The following GPT2 variants were observed in gnomAD, a reference collection of about 807,000 sequenced individuals.
GPT2 encodes the protein alanine aminotransferase 2.
GPT2 carries 30 observed loss-of-function variants against 56.9 expected under a neutral mutation model. That is an observed-to-expected ratio of 0.53 (90% CI 0.39 to 0.72). The LOEUF (loss-of-function observed/expected upper bound fraction) is 0.72, where lower values mean the gene tolerates loss of function less well. GPT2 is among the 30% of genes least tolerant of loss of function. GPT2 has a pLI of 0.00. For missense variants in GPT2, 542 were observed against 703.4 expected (o/e 0.77, Z 2.60); for synonymous variants, 271 against 283.1 (o/e 0.96, Z 0.43).
At chr16:46,901,915 G>A (rs1302823580) in intron 4 of GPT2, among the ~76,000 whole-genome samples, 11 of 152,170 alleles carry the variant, frequency 7.2e-5, no homozygotes, top group African/African-American at 2.7e-4. Context: ...GCAGAAAGCA[G>A]CCCTGCAGCC....
At chr16:46,891,639 G>A (rs984820041) in intron 2 of GPT2, among the ~76,000 whole-genome samples, 10 of 152,020 alleles carry the variant, frequency 6.6e-5, no homozygotes, top group African/African-American at 1.2e-4. Flanking sequence ...GTGAGCCACC[G>A]CGCCCGGGCA....
At chr16:46,921,052 A>C (rs1303157688) in intron 8 of GPT2, among the ~76,000 whole-genome samples, 2 of 152,094 alleles carry the variant, frequency 1.3e-5, no homozygotes, top group African/African-American at 4.8e-5. Context: ...GTTACCAGAC[A>C]CTTTTCTGAG....
Position 46,922,352 on chromosome 16 carries a change from C to G in GPT2, c.1148C>G (p.Ala383Gly). The change falls in exon 9 of 12, where the codon GCC becomes GGC. Residue 383 changes from alanine to glycine, a missense_variant. By Grantham distance (60) the Ala-to-Gly change is moderately conservative. Transcript: ENST00000340124. ...CTGTGCCCCCCAGTGTCTGGGCAGG[C>G]CGCCATGGACATTGTCGTGAACCCC... ...VRLCPPVSGQAAMDIVVNPPV... is the reference protein window; with the variant it reads ...VRLCPPVSGQGAMDIVVNPPV... The G allele has an allele frequency of 6.2e-7, 1 of 1,614,014 alleles. No individual in the cohort carries two copies. Among genetic ancestry groups the G allele is most frequent in the Non-Finnish European group, 8.5e-7 (1 of 1,180,002 alleles).
chr16:46,895,697 A>G (rs1308538075), intron 2 of GPT2, among the ~76,000 whole-genome samples: 1 of 151,962 alleles, frequency 6.6e-6, no homozygotes, highest in Non-Finnish European at 1.5e-5. Context: ...GCTAATTTTA[A>G]TTTTTTGTAG....
Position 46,884,686 on chromosome 16 carries a change from T to G in GPT2, c.-22-8T>G. On this transcript the variant is annotated splice_region_variant and splice_polypyrimidine_tract_variant and intron_variant, in intron 1 of 11. Coordinates refer to ENST00000340124, the MANE Select transcript of GPT2 (RefSeq NM_133443.4). ...GACGTGTTTGTTCTTTTTCTCTTTTTGTGCCAGGGTTTCTCTCCGCAAGCG... is the reference window on the plus strand; with the variant it reads ...GACGTGTTTGTTCTTTTTCTCTTTTGGTGCCAGGGTTTCTCTCCGCAAGCG... The G allele has an allele frequency of 2.9e-6, 4 of 1,367,806 alleles. No homozygotes were observed. Among genetic ancestry groups the G allele is most frequent in the Non-Finnish European group, 3.8e-6 (4 of 1,058,182 alleles). 84.7% of individuals were successfully genotyped at this position (1,367,806 alleles called of 1,614,324 possible).
chr16:46,899,035 A>ATATATATATATATTTTT (rs1567335287), intron 3 of GPT2, among the ~76,000 whole-genome samples: 1 of 77,226 alleles, frequency 1.3e-5, no homozygotes, highest in African/African-American at 9.0e-5. Context: ...ATATATATAT[A>ATATATATATATATTTTT]TTTTTTTTTT....
chr16:46,905,083 G>A (rs1017222455), intron 4 of GPT2, among the ~76,000 whole-genome samples: 2 of 149,186 alleles, frequency 1.3e-5, no homozygotes, highest in Non-Finnish European at 3.0e-5. Flanking sequence ...TTTAAAGACC[G>A]TCTCAATCTG....
intron 8 of GPT2, among the ~76,000 whole-genome samples, chr16:46,921,274 A>G (rs1429817947): frequency 6.6e-6 from 1 of 152,190 alleles, no homozygotes; most frequent in East Asian, 1.9e-4. Context: ...TCTTGGTTCA[A>G]GCAATTCTCC....
chr16:46,915,850 A>C (rs1048080317), intron 6 of GPT2: 1 of 147,040 alleles, frequency 6.8e-6, no homozygotes, highest in African/African-American at 2.5e-5. Flanking sequence ...ACCTACACAC[A>C]TACACAGACA....
At position 46,931,152 on chromosome 16, in the gene GPT2, G is replaced by A. The variant is rs148764323; in HGVS notation, c.*2155G>A. The A allele has an allele frequency of 2.9e-3, 443 of 152,392 alleles. 1 individual carries two copies. Among genetic ancestry groups the A allele is most frequent in the Admixed American group, 5.3e-3 (81 of 15,304 alleles). 9.4% of individuals were successfully genotyped at this position (152,392 alleles called of 1,614,324 possible). On this transcript the variant is annotated 3_prime_UTR_variant, in exon 12 of 12. Coordinates refer to ENST00000340124, the MANE Select transcript of GPT2 (RefSeq NM_133443.4). The stretch of plus-strand genomic sequence containing the variant: ...CCTGGCTATTCCTGTTCTGGTGTGT[G>A]TGGAGTGTTGGGGAGGAACAGATGC...
intron 10 of GPT2, 140 bp from the exon 11 acceptor site, chr16:46,926,785 C>T (rs1961423888): frequency 2.0e-6 from 1 of 505,838 alleles, no homozygotes; most frequent in Non-Finnish European, 3.4e-6. Flanking sequence ...CAGCGTCTGG[C>T]CCTGGTCCTC....
chr16:46,919,467 T>G (rs1301939540), intron 8 of GPT2, among the ~76,000 whole-genome samples: 1 of 152,092 alleles, frequency 6.6e-6, no homozygotes, highest in Non-Finnish European at 1.5e-5. Flanking sequence ...TGCAGATATC[T>G]GGGGGAAGAG....
chr16:46,886,774 T>C (rs1017178622), intron 2 of GPT2, among the ~76,000 whole-genome samples: 2 of 152,072 alleles, frequency 1.3e-5, no homozygotes, highest in Non-Finnish European at 2.9e-5. Flanking sequence ...AGCAGGGGTG[T>C]GTATTGATGA....
In GPT2 at chr16:46,916,689, C is replaced by T; in HGVS notation, c.882C>T (p.Leu294=). 1 of 1,613,260 alleles carries T rather than the reference C, an allele frequency of 6.2e-7. No individual in the cohort carries two copies. The highest frequency in any genetic ancestry group is 8.5e-7 in the Non-Finnish European group (1 of 1,179,200). ...TCCACTTTGCCTGGGAAGAGAAGCT[C>T]TTTCTCCTGGCTGATGAGGTAAGAA... is the stretch of plus-strand genomic sequence containing the variant. ...DVIHFAWEEK[L]FLLADEVYQD... Residue 294 remains leucine, a synonymous_variant, in exon 7 of 12, where the codon CTC becomes CTT. Coordinates refer to ENST00000340124, the MANE Select transcript of GPT2 (RefSeq NM_133443.4).
chr16:46,910,248 GT>G (rs1961020804), intron 6 of GPT2, among the ~76,000 whole-genome samples: 1 of 152,064 alleles, frequency 6.6e-6, no homozygotes, highest in African/African-American at 2.4e-5. Context: ...GGGCATGGTG[GT>G]GTGCGCCTGT....
At chr16:46,923,263 A>T (rs1378544693) in intron 9 of GPT2, among the ~76,000 whole-genome samples, 1 of 152,044 alleles carries the variant, frequency 6.6e-6, no homozygotes. Flanking sequence ...GGAGTTTGAG[A>T]CCAGCCCGGC....
intron 4 of GPT2, among the ~76,000 whole-genome samples, chr16:46,904,287 T>C (rs1306463185): frequency 2.0e-5 from 3 of 152,214 alleles, no homozygotes; most frequent in Non-Finnish European, 4.4e-5. Context: ...GGCTTACACC[T>C]GTAATCCTAG....
chr16:46,892,678 T>G (rs1960607701), intron 2 of GPT2, among the ~76,000 whole-genome samples: 2 of 152,218 alleles, frequency 1.3e-5, no homozygotes, highest in South Asian at 4.1e-4. Flanking sequence ...TTAGATGTTT[T>G]GCATCTTTTT....
intron 2 of GPT2, chr16:46,885,401 T>TGGGGGGCCCCGGGGGG: frequency 4.2e-6 from 1 of 236,270 alleles, no homozygotes; most frequent in Non-Finnish European, 5.2e-6. Context: ...GGAGACGGGG[T>TGGGGGGCCCCGGGGGG]GGGGGGGGCT....
Sources: allele counts gnomAD v4.1 joint callset (sites outside exome capture counted in the v4.1 genomes callset), GRCh38; gene constraint gnomAD v4.1.1; transcripts MANE v1.5; gene names NCBI Gene and HGNC (gene_info 2026-07-23, HGNC 2026-07-21).